Variants in LRBA observed in about 807,000 individuals in gnomAD.
LRBA encodes the protein LPS responsive beige-like anchor protein.
A neutral mutation model predicts 330.0 loss-of-function variants in LRBA; 176 were observed. That is an observed-to-expected ratio of 0.53 (90% CI 0.47 to 0.60). LRBA has a LOEUF of 0.60. LRBA is among the 20% of genes least tolerant of loss of function. The pLI, the probability that LRBA is intolerant of heterozygous loss-of-function variation, is 0.00. For missense variants in LRBA, 3,259 were observed against 3,444.8 expected (o/e 0.95, Z 1.35); for synonymous variants, 1,230 against 1,193.0 (o/e 1.03, Z -0.64).
intron 38 of LRBA, among the ~76,000 whole-genome samples, chr4:150,596,312 C>CACT (rs1431794606): frequency 6.6e-6 from 1 of 151,868 alleles, no homozygotes; most frequent in Non-Finnish European, 1.5e-5. Context: ...GCCACCTTTA[C>CACT]ACTAGAGGCT....
At chr4:150,268,059 C>CA (rs199767343) in intron 56 of LRBA, among the ~76,000 whole-genome samples, 4,460 of 115,188 alleles carry the variant, frequency 0.039, 118 homozygotes, top group African/African-American at 0.077. Flanking sequence ...GACTCCATCT[C>CA]AAAAAAAAAA....
intron 36 of LRBA, among the ~76,000 whole-genome samples, chr4:150,697,388 C>T (rs1442332707): frequency 7.4e-6 from 1 of 135,100 alleles, no homozygotes; most frequent in Non-Finnish European, 1.6e-5. Flanking sequence ...AGGCTAAGTA[C>T]CTGTTCACCA....
At chr4:150,648,158 C>CAAAAAAAAA in intron 37 of LRBA, among the ~76,000 whole-genome samples, 1,486 of 17,870 alleles carry the variant, frequency 0.083, 159 homozygotes, top group African/African-American at 0.14. Flanking sequence ...ACACAAGTAG[C>CAAAAAAAAA]AAAAAAAAAA....
intron 47 of LRBA, among the ~76,000 whole-genome samples, chr4:150,393,133 T>C (rs1231322442): frequency 6.6e-6 from 1 of 152,170 alleles, no homozygotes; most frequent in Admixed American, 6.5e-5. Context: ...GTTGCTCTGC[T>C]ATCTATGCTC....
At chr4:150,711,458 G>A (rs1007280951) in intron 36 of LRBA, among the ~76,000 whole-genome samples, 20 of 151,686 alleles carry the variant, frequency 1.3e-4, no homozygotes, top group Middle Eastern at 3.2e-3. Context: ...GGCTGGTCTC[G>A]AACTCCTGAT....
chr4:150,321,440 C>A lies in LRBA; in HGVS notation c.7453-72G>T. Reference sequence around the variant, plus strand: ...ACAAGAAGGAAAAGATGAAGAAAGACAAGAAAGAGAGGGGGTGCAGGAAAA... The same window carrying A: ...ACAAGAAGGAAAAGATGAAGAAAGAAAAGAAAGAGAGGGGGTGCAGGAAAA... On this transcript the variant is annotated intron_variant, in intron 49 of 56. Coordinates refer to ENST00000651943, the MANE Select transcript of LRBA (RefSeq NM_001364905.1). The surrounding 1 kb of genome is among the most constrained non-coding windows in gnomAD (Gnocchi z 4.5). The A allele has an allele frequency of 1.5e-6, 2 of 1,328,646 alleles. No homozygotes were observed. Among genetic ancestry groups the A allele is most frequent in the Middle Eastern group, 2.6e-4 (1 of 3,842 alleles). The allele number at this position is 1,328,646 out of a possible 1,614,324, so 82.3% of individuals were successfully genotyped here.
chr4:150,563,351 C>T (rs1163762952), intron 40 of LRBA, among the ~76,000 whole-genome samples: 1 of 152,122 alleles, frequency 6.6e-6, no homozygotes, highest in East Asian at 1.9e-4. Flanking sequence ...AAAATTCAAA[C>T]ATCCCTTCAT....
In LRBA at chr4:150,518,100, G is replaced by A. The variant is rs75596650; in HGVS notation, c.6331-27065C>T. Among the ~76,000 whole-genome samples the A allele has an allele frequency of 3.1e-3, 475 of 152,182 alleles. 1 individual carries two copies. Among genetic ancestry groups the A allele is most frequent in the African/African-American group, 0.011 (447 of 41,518 alleles). ...TCGAGAACTTTCACCATTTCACTTC[G>A]AGGAATCATTTTACAGCTTCTCTTT... On this transcript the variant is annotated intron_variant, in intron 40 of 56. Transcript: ENST00000651943.
chr4:150,385,264 C>A (rs917279501), intron 47 of LRBA, among the ~76,000 whole-genome samples: 1 of 152,034 alleles, frequency 6.6e-6, no homozygotes, highest in Non-Finnish European at 1.5e-5. Flanking sequence ...ACGATCTTCA[C>A]AACTCTTTAT....
intron 2 of LRBA, among the ~76,000 whole-genome samples, chr4:150,968,448 G>A (rs928044707): frequency 1.3e-5 from 2 of 152,338 alleles, no homozygotes; most frequent in South Asian, 2.1e-4. Flanking sequence ...GAAATTAAAC[G>A]TAAGCAAAAC....
chr4:150,265,827 G>C lies in LRBA; in HGVS notation c.8469-15C>G, dbSNP rs1327604110. The C allele has an allele frequency of 1.1e-5, 17 of 1,540,806 alleles. No individual in the cohort carries two copies. The highest frequency in any genetic ancestry group is 1.4e-5 in the Non-Finnish European group (16 of 1,113,440). On this transcript the variant is annotated splice_polypyrimidine_tract_variant and intron_variant, in intron 56 of 56. Transcript: ENST00000651943. ...AAATGATGCACCTAGGAGAAGCACA[G>C]AGAGAAGGACTTTTACAAACCTGTG...
intron 42 of LRBA, among the ~76,000 whole-genome samples, chr4:150,484,153 T>G (rs1043837791): frequency 4.6e-5 from 7 of 152,060 alleles, no homozygotes; most frequent in African/African-American, 1.7e-4. Context: ...TTGAAAGGCC[T>G]TTGTATGCAT....
chr4:150,646,830 T>A (rs1349979363), intron 37 of LRBA, among the ~76,000 whole-genome samples: 1 of 152,080 alleles, frequency 6.6e-6, no homozygotes, highest in Non-Finnish European at 1.5e-5. Context: ...GCAAAAGAAA[T>A]GCTCATTGGA....
intron 56 of LRBA, among the ~76,000 whole-genome samples, chr4:150,276,141 C>G (rs1032135140): frequency 6.6e-6 from 1 of 152,162 alleles, no homozygotes; most frequent in Non-Finnish European, 1.5e-5. Context: ...CATCTACAAC[C>G]ATCTGATCTT....
In LRBA at chr4:150,908,702, G is replaced by A. The variant is rs555828111; in HGVS notation, c.1317C>T (p.Asn439=). Residue 439 remains asparagine (N), a synonymous_variant, in exon 10 of 57, where the codon AAC becomes AAT. Coordinates refer to ENST00000651943, the MANE Select transcript of LRBA (RefSeq NM_001364905.1). ...GTGGTGAATGAACAAAAATTGAAGG[G>A]TTGTCCTTAGGAGATGATTCAAGAC... ...QLCLESSPKD[N]PSIFVHSPHA... 5 of 1,613,936 alleles carry A rather than the reference G, an allele frequency of 3.1e-6. No homozygotes were observed. The South Asian group carries it at 4.4e-5, about 14-fold the overall frequency.
At position 150,992,302 on chromosome 4, in the gene LRBA, C is replaced by T. The variant is rs551284505; in HGVS notation, c.216+22125G>A. ...CTGCACTCCAGACTGGGCAACAGAG[C>T]GAGACTCCGTCTCAAAAAAAAAAAA... On this transcript the variant is annotated intron_variant, in intron 2 of 56. Transcript: ENST00000651943. Among the ~76,000 whole-genome samples the T allele has an allele frequency of 5.4e-4, 73 of 134,542 alleles. No homozygotes were observed. The Middle Eastern group carries it at 0.015, about 28-fold the overall frequency. 88.3% of individuals were successfully genotyped at this position (134,542 alleles called of 152,430 possible).
At chr4:150,685,420 A>ATTTATTTTT (rs1783513624) in intron 36 of LRBA, among the ~76,000 whole-genome samples, 1 of 17,436 alleles carries the variant, frequency 5.7e-5, no homozygotes, top group Non-Finnish European at 9.2e-5. Flanking sequence ...ATATATATAT[A>ATTTATTTTT]TTTTTTTTTT....
At chr4:150,826,483 C>A (rs1462599489) in intron 30 of LRBA, among the ~76,000 whole-genome samples, 2 of 152,230 alleles carry the variant, frequency 1.3e-5, no homozygotes, top group Non-Finnish European at 1.5e-5. Flanking sequence ...AACCCCTGAG[C>A]CTTGAAAGGA....
intron 44 of LRBA, among the ~76,000 whole-genome samples, chr4:150,448,536 T>C (rs1399072801): frequency 6.6e-6 from 1 of 152,108 alleles, no homozygotes; most frequent in Non-Finnish European, 1.5e-5. Context: ...GCGTGGCGGC[T>C]CACACCTGTA....
Sources: allele counts gnomAD v4.1 joint callset (sites outside exome capture counted in the v4.1 genomes callset), GRCh38; gene constraint gnomAD v4.1.1; non-coding constraint Gnocchi (gnomAD v3.1); transcripts MANE v1.5; gene names NCBI Gene and HGNC (gene_info 2026-07-23, HGNC 2026-07-21).